Variants in TENM2 observed in about 807,000 individuals in gnomAD.
The protein encoded by TENM2 is teneurin transmembrane protein 2, also known as teneurin-2.
TENM2 carries 52 observed loss-of-function variants against 245.2 expected under a neutral mutation model. That is an observed-to-expected ratio of 0.21 (90% CI 0.17 to 0.27). The LOEUF is 0.27. TENM2 is among the 10% of genes least tolerant of loss of function. TENM2 has a pLI of 1.00. For missense variants in TENM2, 3,046 were observed against 3,666.8 expected (o/e 0.83, Z 4.37); for synonymous variants, 1,363 against 1,438.9 (o/e 0.95, Z 1.19).
At chr5:167,845,241 A>C (rs1222470840) in intron 2 of TENM2, among the ~76,000 whole-genome samples, 2 of 784 alleles carry the variant, frequency 2.6e-3, no homozygotes, top group African/African-American at 4.0e-3. Context: ...CTCCCGCGCC[A>C]CACACACACA....
At chr5:167,122,259 G>A in the TENM2 span, among the ~76,000 whole-genome samples, 1 of 152,062 alleles carries the variant, frequency 6.6e-6, no homozygotes. Context: ...AAAATGGAGT[G>A]AATCTCTTGA....
the TENM2 span, among the ~76,000 whole-genome samples, chr5:167,167,410 A>T: frequency 6.6e-6 from 1 of 152,152 alleles, no homozygotes; most frequent in Non-Finnish European, 1.5e-5. Flanking sequence ...TCGCAGCATC[A>T]ATCCCCTCTT....
In TENM2 at chr5:168,047,516, G is replaced by A. The variant is rs796097884; in HGVS notation, c.1276G>A (p.Asp426Asn). 56 of 1,551,752 alleles carry A rather than the reference G, an allele frequency of 3.6e-5. No individual in the cohort carries two copies. Among genetic ancestry groups the A allele is most frequent in the African/African-American group, 6.8e-5 (5 of 73,180 alleles). Residue 426 changes from aspartate (D) to asparagine (N), a missense_variant, in exon 6 of 29, where the codon GAT (aspartate) becomes AAT (asparagine). Physicochemically the swap from Asp to Asn is conservative, Grantham distance 23. This residue lies in a region of TENM2 where 2,704 missense variants were observed against 3,331.9 expected (regional missense o/e 0.81). Transcript: ENST00000518659. Reference sequence around the variant, plus strand: ...GATAAGGACCGGCTTACCAGGAAACGATGATGTGGCAACAATGCCATCTGG... The same window carrying A: ...GATAAGGACCGGCTTACCAGGAAACAATGATGTGGCAACAATGCCATCTGG...
chr5:167,138,915 G>A, the TENM2 span, among the ~76,000 whole-genome samples: 3 of 152,156 alleles, frequency 2.0e-5, no homozygotes, highest in Non-Finnish European at 2.9e-5. Context: ...GAGTCACAGC[G>A]CCTGGCCTGT....
At chr5:168,085,164 A>G (rs1244272241) in intron 7 of TENM2, among the ~76,000 whole-genome samples, 1 of 152,240 alleles carries the variant, frequency 6.6e-6, no homozygotes, top group Non-Finnish European at 1.5e-5. Context: ...AAATGTGATA[A>G]CACACATCAG....
At chr5:168,143,780 T>G (rs1755767902) in intron 12 of TENM2, among the ~76,000 whole-genome samples, 2 of 151,182 alleles carry the variant, frequency 1.3e-5, no homozygotes, top group Admixed American at 1.3e-4. Flanking sequence ...TTTCTTTCAA[T>G]GATACCAGTA....
At chr5:167,607,481 T>C (rs1343532726) in intron 2 of TENM2, among the ~76,000 whole-genome samples, 5 of 151,972 alleles carry the variant, frequency 3.3e-5, no homozygotes, top group African/African-American at 1.2e-4. Context: ...ATATGTGGAG[T>C]TTGAATGTTT....
At chr5:167,255,627 G>T in the TENM2 span, among the ~76,000 whole-genome samples, 1 of 152,030 alleles carries the variant, frequency 6.6e-6, no homozygotes, top group Non-Finnish European at 1.5e-5. Context: ...TCGATTTTTT[G>T]TGGCCCTGAT....
the TENM2 span, among the ~76,000 whole-genome samples, chr5:167,062,862 C>A: frequency 6.6e-6 from 1 of 152,084 alleles, no homozygotes; most frequent in Non-Finnish European, 1.5e-5. Flanking sequence ...GTCGAAGGAG[C>A]TAGAAGGAGA....
At chr5:167,024,137 T>G in the TENM2 span, among the ~76,000 whole-genome samples, 3 of 152,344 alleles carry the variant, frequency 2.0e-5, no homozygotes, top group African/African-American at 7.2e-5. Context: ...GCAATCAGGT[T>G]AGCTTTAAGA....
chr5:168,183,587 G>A (rs993139541), intron 13 of TENM2, among the ~76,000 whole-genome samples: 2 of 152,116 alleles, frequency 1.3e-5, no homozygotes. Context: ...CAGGACCCCT[G>A]CACCTTCTTC....
At chr5:167,810,526 G>A (rs1451183685) in intron 2 of TENM2, among the ~76,000 whole-genome samples, 1 of 151,806 alleles carries the variant, frequency 6.6e-6, no homozygotes, top group East Asian at 1.9e-4. Flanking sequence ...CATTTTCATA[G>A]CTGTGAAGGT....
chr5:166,994,672 C>A, the TENM2 span, among the ~76,000 whole-genome samples: 1 of 152,168 alleles, frequency 6.6e-6, no homozygotes, highest in African/African-American at 2.4e-5. Flanking sequence ...TTCTTTCTTA[C>A]AACTAGTTAT....
At chr5:167,958,988 T>G (rs559918244) in intron 4 of TENM2, among the ~76,000 whole-genome samples, 13 of 152,170 alleles carry the variant, frequency 8.5e-5, no homozygotes, top group African/African-American at 2.6e-4. Flanking sequence ...GAGTATCTTT[T>G]TGGTGTTTTC....
chr5:168,260,383 G>A lies in TENM2; in HGVS notation c.7533G>A (p.Leu2511=), dbSNP rs535094080. The change falls in exon 28 of 29, where the codon TTG becomes TTA. Residue 2511 remains leucine (L), a synonymous_variant. Coordinates refer to ENST00000518659, the Ensembl canonical transcript of TENM2. ...ATTTCGTGCCTCCTCCCTATGAATTGTCAGAGAGTCAAGCAAGTGAGAATG... is the reference window on the plus strand; with the variant it reads ...ATTTCGTGCCTCCTCCCTATGAATTATCAGAGAGTCAAGCAAGTGAGAATG... 5.7e-4 allele frequency: 927 copies of A among 1,613,920 alleles called. 10 individuals are homozygous for A. The South Asian group carries it at 9.0e-3, about 16-fold the overall frequency.
chr5:167,284,866 C>A (rs1771244946), exon 1 of TENM2: 1 of 1,551,724 alleles, frequency 6.4e-7, no homozygotes, highest in South Asian at 1.2e-5. Context: ...CGACACCGCT[C>A]TTTGACCAGA....
intron 5 of TENM2, among the ~76,000 whole-genome samples, chr5:168,033,746 G>A (rs114522030): frequency 6.6e-6 from 1 of 152,026 alleles, no homozygotes; most frequent in South Asian, 2.1e-4. Flanking sequence ...GGGAGGTCAG[G>A]CATGGTAGCT....
chr5:168,037,529 C>A (rs1581130614), intron 5 of TENM2, among the ~76,000 whole-genome samples: 1 of 115,554 alleles, frequency 8.7e-6, no homozygotes, highest in African/African-American at 3.3e-5. Flanking sequence ...CAGAAAGGAC[C>A]ATAATGGTCT....
the TENM2 span, among the ~76,000 whole-genome samples, chr5:167,214,312 C>T: frequency 1.3e-5 from 2 of 152,170 alleles, no homozygotes; most frequent in Non-Finnish European, 2.9e-5. Flanking sequence ...AGTAACCTTT[C>T]TAAGGTGGTG....
Sources: allele counts gnomAD v4.1 joint callset (sites outside exome capture counted in the v4.1 genomes callset), GRCh38; gene constraint gnomAD v4.1.1; regional missense constraint gnomAD v4.1.1; transcripts MANE v1.5; gene names NCBI Gene and HGNC (gene_info 2026-07-23, HGNC 2026-07-21).